The following CFAP107 variants were observed in gnomAD, a reference collection of about 807,000 sequenced individuals.
CFAP107 encodes cilia and flagella associated protein 107.
At chr1:12,755,889 T>C in the CFAP107 span, 2 of 985,038 alleles carry the variant, frequency 2.0e-6, no homozygotes, top group Non-Finnish European at 3.2e-6. Flanking sequence ...CAGCTTCTTA[T>C]AGGCTTAGTA....
At chr1:12,746,616 ATT>A in the CFAP107 span, 1 of 1,074,264 alleles carries the variant, frequency 9.3e-7, no homozygotes, top group Non-Finnish European at 1.4e-6. Context: ...GTTCATCACT[ATT>A]TTCAAATGGA....
the CFAP107 span, chr1:12,759,684 C>A: frequency 1.5e-6 from 1 of 681,986 alleles, no homozygotes; most frequent in South Asian, 1.7e-5. Context: ...CTGGGGTAAT[C>A]TTGGCTGTGT....
chr1:12,747,719 G>T, the CFAP107 span, among the ~76,000 whole-genome samples: 3 of 152,158 alleles, frequency 2.0e-5, no homozygotes, highest in South Asian at 6.2e-4. Context: ...AAATGTACTT[G>T]GCCTTGTTTG....
the CFAP107 span, among the ~76,000 whole-genome samples, chr1:12,754,383 G>A: frequency 1.3e-5 from 2 of 152,232 alleles, no homozygotes; most frequent in Non-Finnish European, 2.9e-5. Context: ...AAGTGTTGGT[G>A]AGGATATGAA....
At chr1:12,762,217 A>G in the CFAP107 span, 2 of 152,166 alleles carry the variant, frequency 1.3e-5, no homozygotes, top group African/African-American at 2.4e-5. Context: ...CCAAGTGTCC[A>G]TGTAAGGACG....
At chr1:12,760,840 G>A in the CFAP107 span, 4 of 1,614,168 alleles carry the variant, frequency 2.5e-6, no homozygotes, top group Non-Finnish European at 3.4e-6. Flanking sequence ...CTGGCCTGAA[G>A]CAGAGCACTT....
At chr1:12,750,950 C>T in the CFAP107 span, among the ~76,000 whole-genome samples, 1 of 151,818 alleles carries the variant, frequency 6.6e-6, no homozygotes, top group Non-Finnish European at 1.5e-5. Flanking sequence ...TACAAAGTAT[C>T]TTTCCTGATC....
chr1:12,747,071 C>CT, the CFAP107 span, among the ~76,000 whole-genome samples: 1,754 of 142,928 alleles, frequency 0.012, 32 homozygotes, highest in African/African-American at 0.04. Context: ...TCAATTTTTA[C>CT]TTTTTTTTTT....
chr1:12,759,506 G>T, the CFAP107 span: 1 of 1,613,982 alleles, frequency 6.2e-7, no homozygotes. Flanking sequence ...ATAATTCAGG[G>T]TATTCCTCTG....
the CFAP107 span, among the ~76,000 whole-genome samples, chr1:12,756,064 A>G: frequency 6.6e-6 from 1 of 152,226 alleles, no homozygotes; most frequent in Non-Finnish European, 1.5e-5. Context: ...CACTCTTCCA[A>G]CAGAATATAG....
chr1:12,762,889 T>TAA, the CFAP107 span: 2 of 152,238 alleles, frequency 1.3e-5, no homozygotes, highest in African/African-American at 2.4e-5. Context: ...GGGCCACACA[T>TAA]AAAAAAATGA....
At chr1:12,751,514 C>T in the CFAP107 span, among the ~76,000 whole-genome samples, 1 of 152,094 alleles carries the variant, frequency 6.6e-6, no homozygotes, top group African/African-American at 2.4e-5. Context: ...GTAATTCCAA[C>T]TACTAGGGAG....
At chr1:12,750,980 C>T in the CFAP107 span, among the ~76,000 whole-genome samples, 1,639 of 150,658 alleles carry the variant, frequency 0.011, 21 homozygotes, top group African/African-American at 0.038. Context: ...ATGAACTTAA[C>T]GATTAATAGC....
At chr1:12,755,988 G>A in the CFAP107 span, among the ~76,000 whole-genome samples, 4 of 152,322 alleles carry the variant, frequency 2.6e-5, no homozygotes, top group Admixed American at 2.6e-4. Flanking sequence ...ACCTGTGTGG[G>A]CTGATGATCT....
the CFAP107 span, chr1:12,755,555 T>C: frequency 3.0e-6 from 2 of 672,104 alleles, no homozygotes; most frequent in Admixed American, 2.5e-5. Flanking sequence ...CCGAGCAAGC[T>C]CTTTCCTGTG....
chr1:12,755,947 C>T, the CFAP107 span: 43 of 628,074 alleles, frequency 6.8e-5, no homozygotes, highest in Admixed American at 2.3e-4. Context: ...CCTCCCAGCC[C>T]GGGGGCTGCA....
chr1:12,759,216 A>G, the CFAP107 span: 2 of 1,426,598 alleles, frequency 1.4e-6, no homozygotes, highest in African/African-American at 1.4e-5. Flanking sequence ...CATCAGCACC[A>G]CAGACCCCTA....
the CFAP107 span, among the ~76,000 whole-genome samples, chr1:12,759,864 C>T: frequency 3.9e-5 from 6 of 152,018 alleles, no homozygotes; most frequent in African/African-American, 1.2e-4. Flanking sequence ...TTTCTGGACT[C>T]GGGGAGTTGA....
the CFAP107 span, chr1:12,761,469 G>A: frequency 6.6e-6 from 1 of 152,560 alleles, no homozygotes; most frequent in African/African-American, 2.4e-5. Flanking sequence ...TGGCCCCACG[G>A]GGCTCAGAAG....
Sources: allele counts gnomAD v4.1 joint callset (sites outside exome capture counted in the v4.1 genomes callset), GRCh38; gene constraint gnomAD v4.1.1; transcripts MANE v1.5; gene names NCBI Gene and HGNC (gene_info 2026-07-23, HGNC 2026-07-21).